Variants in GNG7 observed in about 807,000 individuals in gnomAD.
The protein encoded by GNG7 is guanine nucleotide-binding protein G(I)/G(S)/G(O) subunit gamma-7.
GNG7 carries 1 observed loss-of-function variant against 4.0 expected under a neutral mutation model. That is an observed-to-expected ratio of 0.25 (90% CI 0.09 to 1.18). GNG7 has a LOEUF of 1.18. Among genes scored for constraint, GNG7 ranks in the 50% most tolerant of loss-of-function variants. GNG7 has a pLI of 0.50. For synonymous variants in GNG7, 34 were observed against 36.9 expected (o/e 0.92, Z 0.29); for missense variants, 86 against 91.9 (o/e 0.94, Z 0.26).
At position 2,633,746 on chromosome 19, in the gene GNG7, G is replaced by A. The variant is rs1473384896; in HGVS notation, c.-78+12478C>T. Reference sequence around the variant, plus strand: ...GGAGCTGTAGTAATTCTGTCCAGAAGAGGACAGAAGCCTGCTCTCAACTCA... The same window carrying A: ...GGAGCTGTAGTAATTCTGTCCAGAAAAGGACAGAAGCCTGCTCTCAACTCA... On this transcript the variant is annotated intron_variant, in intron 2 of 4. Transcript: ENST00000382159. This position sits in a 1 kb window ranked among gnomAD's most constrained non-coding sequence, Gnocchi z 5.9. Among the ~76,000 whole-genome samples the A allele has an allele frequency of 6.6e-6, 1 of 152,118 alleles. No individual in the cohort carries two copies. The highest frequency in any genetic ancestry group is 1.5e-5 in the Non-Finnish European group (1 of 68,012).
intron 3 of GNG7, among the ~76,000 whole-genome samples, chr19:2,554,557 A>C (rs866853579): frequency 1.4e-5 from 1 of 71,684 alleles, no homozygotes; most frequent in African/African-American, 5.6e-5. Context: ...ATATATATAT[A>C]TATTTTTTTT....
intron 3 of GNG7, among the ~76,000 whole-genome samples, chr19:2,526,127 C>T (rs1331797285): frequency 2.6e-5 from 4 of 152,056 alleles, no homozygotes; most frequent in Non-Finnish European, 5.9e-5. Context: ...CCCGCCACCA[C>T]GCCTGGCTAA....
intron 3 of GNG7, among the ~76,000 whole-genome samples, chr19:2,521,329 G>C (rs903576152): frequency 6.6e-6 from 1 of 152,158 alleles, no homozygotes; most frequent in Non-Finnish European, 1.5e-5. Context: ...CTCTGGAGAA[G>C]GGAGGACCCA....
intron 2 of GNG7, among the ~76,000 whole-genome samples, chr19:2,560,948 C>T (rs112604575): frequency 0.059 from 6,048 of 103,360 alleles, 401 homozygotes; most frequent in African/African-American, 0.19. Flanking sequence ...CAGAAGGAGA[C>T]TGTTTCAAAA....
intron 2 of GNG7, among the ~76,000 whole-genome samples, chr19:2,571,875 T>C (rs1398852097): frequency 2.0e-5 from 3 of 151,892 alleles, no homozygotes; most frequent in African/African-American, 7.3e-5. Context: ...GGATTACAGG[T>C]GTGAGCCACT....
rs1252042474 is a variant in GNG7, at chr19:2,557,053, A to G, written c.-77-1865T>C. 6.8e-6 allele frequency among the ~76,000 whole-genome samples: 1 copy of G among 147,664 alleles called. No individual in the cohort carries two copies. Among genetic ancestry groups the G allele is most frequent in the African/African-American group, 2.5e-5 (1 of 40,406 alleles). On this transcript the variant is annotated intron_variant, in intron 2 of 4. Transcript: ENST00000382159. The surrounding 1 kb of genome is among the most constrained non-coding windows in gnomAD (Gnocchi z 5.1). Reference sequence around the variant, plus strand: ...CACACAGACACACGCACACTCACACACATATGCACGCACACAGACACACGC... The same window carrying G: ...CACACAGACACACGCACACTCACACGCATATGCACGCACACAGACACACGC...
chr19:2,604,464 C>G (rs570051812), intron 2 of GNG7, among the ~76,000 whole-genome samples: 6 of 121,578 alleles, frequency 4.9e-5, no homozygotes, highest in African/African-American at 1.7e-4. Context: ...GAGCAAGACC[C>G]TGCTTCAAAA....
intron 2 of GNG7, among the ~76,000 whole-genome samples, chr19:2,631,756 C>T (rs1982165108): frequency 6.6e-6 from 1 of 152,198 alleles, no homozygotes; most frequent in Admixed American, 6.5e-5. Context: ...ATGTCTGTGG[C>T]TGTATGCCAA....
intron 1 of GNG7, among the ~76,000 whole-genome samples, chr19:2,651,719 C>T (rs1389558120): frequency 2.0e-5 from 3 of 151,232 alleles, no homozygotes; most frequent in Non-Finnish European, 4.4e-5. Context: ...GTGCCCATCA[C>T]CACGCCCAGC....
At chr19:2,671,629 G>T (rs1227588554) in intron 1 of GNG7, among the ~76,000 whole-genome samples, 1 of 152,086 alleles carries the variant, frequency 6.6e-6, no homozygotes, top group Admixed American at 6.6e-5. Flanking sequence ...CGGAGCCCCA[G>T]AGAGACAACA....
At chr19:2,586,674 C>T (rs775396649) in intron 2 of GNG7, among the ~76,000 whole-genome samples, 1 of 152,074 alleles carries the variant, frequency 6.6e-6, no homozygotes, top group East Asian at 1.9e-4. Context: ...CAGTGAATAT[C>T]GTGTGTAGAT....
intron 1 of GNG7, among the ~76,000 whole-genome samples, chr19:2,668,220 CA>C (rs11386382): frequency 1.6e-3 from 231 of 140,034 alleles, no homozygotes; most frequent in African/African-American, 3.1e-3. Flanking sequence ...AAAAGTTTAT[CA>C]AAAAAAAAAA....
Position 2,638,223 on chromosome 19 carries a change from C to T in GNG7, c.-78+8001G>A, listed in dbSNP as rs182309482. ...ACTAAATATACAAAAGTTAGCCGGG[C>T]GTGGTGGCATGCACCTGTAATCCCA... On this transcript the variant is annotated intron_variant, in intron 2 of 4. Coordinates refer to ENST00000382159, the MANE Select transcript of GNG7 (RefSeq NM_052847.3). Among the ~76,000 whole-genome samples the T allele has an allele frequency of 7.9e-3, 1,192 of 150,332 alleles. 7 individuals carry two copies. Among genetic ancestry groups the T allele is most frequent in the Non-Finnish European group, 0.013 (892 of 67,580 alleles).
Position 2,620,939 on chromosome 19 carries a change from A to C in GNG7, c.-78+25285T>G, listed in dbSNP as rs554376169. ...GCCTGAGCTTCCAGTTTCATTTATAAAAGGGGTGACGTGGCCGCCTTCCTG... is the reference window on the plus strand; with the variant it reads ...GCCTGAGCTTCCAGTTTCATTTATACAAGGGGTGACGTGGCCGCCTTCCTG... On this transcript the variant is annotated intron_variant, in intron 2 of 4. Transcript: ENST00000382159. Among the ~76,000 whole-genome samples, 445 of 152,238 alleles carry C rather than the reference A, an allele frequency of 2.9e-3. 2 individuals are homozygous for C. Among genetic ancestry groups the C allele is most frequent in the African/African-American group, 0.01 (424 of 41,520 alleles).
Position 2,546,786 on chromosome 19 carries a change from C to T in GNG7, c.-38+8363G>A, listed in dbSNP as rs142001519. 1.6e-3 allele frequency among the ~76,000 whole-genome samples: 244 copies of T among 152,284 alleles called. 1 individual carries two copies. The highest frequency in any genetic ancestry group is 5.0e-3 in the African/African-American group (208 of 41,562). On this transcript the variant is annotated intron_variant, in intron 3 of 4. Coordinates refer to ENST00000382159, the MANE Select transcript of GNG7 (RefSeq NM_052847.3). The surrounding 1 kb of genome is among the most constrained non-coding windows in gnomAD (Gnocchi z 6.3). ...GAAAAGAAAAGCTGCTCTCTGTCCA[C>T]CCGGCGGTGGGGTCGGCGGGGGCGG...
At chr19:2,657,455 A>C (rs1983027785) in intron 1 of GNG7, among the ~76,000 whole-genome samples, 1 of 144,354 alleles carries the variant, frequency 6.9e-6, no homozygotes, top group African/African-American at 2.6e-5. Context: ...CTCAGAGCTG[A>C]AACTCAAAGT....
chr19:2,638,091 G>A (rs960162581), intron 2 of GNG7, among the ~76,000 whole-genome samples: 4 of 152,042 alleles, frequency 2.6e-5, no homozygotes, highest in African/African-American at 9.7e-5. Flanking sequence ...TGGGCCGGGT[G>A]CGGTGGCTCA....
At chr19:2,517,742 G>A (rs1978291067) in intron 4 of GNG7, among the ~76,000 whole-genome samples, 1 of 152,070 alleles carries the variant, frequency 6.6e-6, no homozygotes, top group African/African-American at 2.4e-5. Flanking sequence ...GAACTCCTAG[G>A]CTCAGGCGAC....
At chr19:2,592,230 G>C (rs1568255188) in intron 2 of GNG7, among the ~76,000 whole-genome samples, 1 of 152,040 alleles carries the variant, frequency 6.6e-6, no homozygotes, top group South Asian at 2.1e-4. Context: ...ACAAGAACGC[G>C]CTAACTAAAA....
Sources: gnomAD v4.1 joint callset for allele counts (sites outside exome capture counted in the v4.1 genomes callset) on GRCh38, gnomAD v4.1.1 for gene constraint, Gnocchi (gnomAD v3.1) non-coding constraint, MANE v1.5 for transcripts, NCBI Gene and HGNC (gene_info 2026-07-23, HGNC 2026-07-21) for gene names.